SLC14A2: variants seen among roughly 807,000 people sequenced by gnomAD.
SLC14A2 encodes solute carrier family 14 member 2, also known as urea transporter 2.
SLC14A2 carries 91 observed loss-of-function variants against 104.6 expected under a neutral mutation model. The observed-to-expected ratio is 0.87, with a 90% CI of 0.73 to 1.04. The LOEUF (loss-of-function observed/expected upper bound fraction) is 1.04. Ranked by LOEUF, SLC14A2 falls within the 50% of genes least tolerant of loss-of-function variation. The probability of loss-of-function intolerance (pLI) is 0.00; values close to 1 mark genes in which losing one functional copy is unlikely to be tolerated. For missense variants in SLC14A2, 1,189 were observed against 1,156.0 expected (o/e 1.03, Z -0.41); for synonymous variants, 476 against 466.4 (o/e 1.02, Z -0.27).
At chr18:45,312,383 G>GAA (rs11314315) in intron 1 of SLC14A2, among the ~76,000 whole-genome samples, 1 of 145,600 alleles carries the variant, frequency 6.9e-6, no homozygotes, top group Non-Finnish European at 1.5e-5. Flanking sequence ...CTTCAGACTA[G>GAA]AAAAAAAAAA....
rs1436178833 is a variant in SLC14A2, at chr18:45,409,862, A to ATTT, written c.-124-73371_-124-73370insTTT. Among the ~76,000 whole-genome samples, 5 of 152,310 alleles carry ATTT rather than the reference A, an allele frequency of 3.3e-5. No individual in the cohort carries two copies. The East Asian group carries it at 9.7e-4, about 29-fold the overall frequency. The stretch of plus-strand genomic sequence containing the variant: ...TTGGAGGGTGGTTTTAGGATGATTC[A>ATTT]AGCACATTACATTTATTGTGTACTT... On this transcript the variant is annotated intron_variant, in intron 1 of 20. Coordinates refer to the SLC14A2 transcript ENST00000586448.
chr18:45,435,557 G>C (rs1219406055), intron 1 of SLC14A2, among the ~76,000 whole-genome samples: 1 of 152,036 alleles, frequency 6.6e-6, no homozygotes. Context: ...AGACAATTTT[G>C]GCAAGACTGC....
At chr18:45,206,198 C>T in the SLC14A2 span, among the ~76,000 whole-genome samples, 148,276 of 152,318 alleles carry the variant, frequency 0.97, 72,292 homozygotes, top group East Asian at 1. Flanking sequence ...GGCCTTTTCA[C>T]GTAGTGTTCC....
At chr18:45,659,102 T>C (rs1233464543) in intron 10 of SLC14A2, among the ~76,000 whole-genome samples, 1 of 152,084 alleles carries the variant, frequency 6.6e-6, no homozygotes, top group Non-Finnish European at 1.5e-5. Flanking sequence ...ACCAAGCAGG[T>C]ATGCCGAGGA....
At chr18:45,462,113 A>G (rs1045462996) in intron 1 of SLC14A2, among the ~76,000 whole-genome samples, 3 of 152,138 alleles carry the variant, frequency 2.0e-5, no homozygotes, top group Non-Finnish European at 2.9e-5. Flanking sequence ...AAACCAATCA[A>G]TGTTTCTGTT....
intron 12 of SLC14A2, 132 bp from the exon 13 acceptor site, chr18:45,666,802 AG>A (rs553403086): frequency 7.3e-4 from 509 of 701,836 alleles, no homozygotes; most frequent in Middle Eastern, 3.8e-3. Context: ...CTACAGAAAC[AG>A]GGAGGTTAAA....
the SLC14A2 span, among the ~76,000 whole-genome samples, chr18:45,204,278 T>C: frequency 6.6e-6 from 1 of 152,212 alleles, no homozygotes; most frequent in Non-Finnish European, 1.5e-5. Context: ...GCTCTATCTG[T>C]TCACATGGGA....
intron 1 of SLC14A2, among the ~76,000 whole-genome samples, chr18:45,235,373 G>C (rs1333369465): frequency 6.6e-6 from 1 of 151,994 alleles, no homozygotes; most frequent in African/African-American, 2.4e-5. Flanking sequence ...ATCAAACCAA[G>C]GTAATTAGAA....
rs368595206 is a variant in SLC14A2 at position 45,472,997 on chromosome 18, T to C, written c.-124-10236T>C. ...AATGCCTAGGTTTCTTTCTAGGGTT[T>C]CTGTGGTTTTAGGTCTTACATTTAA... On this transcript the variant is annotated intron_variant, in intron 1 of 20. Coordinates refer to the SLC14A2 transcript ENST00000586448. Among the ~76,000 whole-genome samples, 6 of 152,360 alleles carry C rather than the reference T, an allele frequency of 3.9e-5. No individual in the cohort carries two copies. The South Asian group carries it at 1.0e-3, about 26-fold the overall frequency.
chr18:45,571,409 A>G (rs980517407), intron 2 of SLC14A2, among the ~76,000 whole-genome samples: 1 of 152,224 alleles, frequency 6.6e-6, no homozygotes, highest in Non-Finnish European at 1.5e-5. Context: ...TCTTCCCTCC[A>G]AGATGCTATG....
intron 2 of SLC14A2, among the ~76,000 whole-genome samples, chr18:45,537,904 A>G (rs949952458): frequency 5.9e-5 from 9 of 152,216 alleles, no homozygotes; most frequent in African/African-American, 2.2e-4. Flanking sequence ...AGTTCAGCAG[A>G]GAGGTCTGGG....
At chr18:45,275,909 A>C (rs895000030) in intron 1 of SLC14A2, among the ~76,000 whole-genome samples, 8 of 152,266 alleles carry the variant, frequency 5.3e-5, no homozygotes, top group African/African-American at 1.7e-4. Flanking sequence ...AAGAAGAAAA[A>C]GCAGGTTAAA....
intron 1 of SLC14A2, among the ~76,000 whole-genome samples, chr18:45,224,677 G>A (rs2084096405): frequency 6.6e-6 from 1 of 152,176 alleles, no homozygotes; most frequent in Non-Finnish European, 1.5e-5. Flanking sequence ...GTATTTATAT[G>A]AGCATAGAAC....
chr18:45,635,213 C>G (rs1360747906), intron 5 of SLC14A2, among the ~76,000 whole-genome samples: 1 of 152,072 alleles, frequency 6.6e-6, no homozygotes, highest in East Asian at 1.9e-4. Context: ...ATTGGATGTA[C>G]AAATCTGAAA....
intron 1 of SLC14A2, among the ~76,000 whole-genome samples, chr18:45,455,063 G>A (rs2144622876): frequency 6.6e-6 from 1 of 152,186 alleles, no homozygotes; most frequent in South Asian, 2.1e-4. Flanking sequence ...AGCTTAATGG[G>A]GATAGAATTG....
intron 10 of SLC14A2, among the ~76,000 whole-genome samples, chr18:45,653,304 C>T (rs1225411423): frequency 1.3e-5 from 2 of 152,056 alleles, no homozygotes; most frequent in African/African-American, 4.8e-5. Context: ...ACAAGGCCCT[C>T]GTGATTAGGA....
chr18:45,174,026 A>G, the SLC14A2 span, among the ~76,000 whole-genome samples: 1 of 152,254 alleles, frequency 6.6e-6, no homozygotes, highest in East Asian at 1.9e-4. Context: ...AAACGGTATT[A>G]TGGAGTAAGC....
intron 1 of SLC14A2, among the ~76,000 whole-genome samples, chr18:45,364,869 A>T (rs1168763473): frequency 6.6e-6 from 1 of 152,246 alleles, no homozygotes; most frequent in Non-Finnish European, 1.5e-5. Flanking sequence ...TTTATTAAAA[A>T]GAAGTAACTC....
At chr18:45,550,663 A>G (rs147141268) in intron 2 of SLC14A2, among the ~76,000 whole-genome samples, 1 of 152,224 alleles carries the variant, frequency 6.6e-6, no homozygotes, top group Non-Finnish European at 1.5e-5. Flanking sequence ...TGTGCACTAT[A>G]CTGAATTCTG....
Sources: gnomAD v4.1 joint callset for allele counts (sites outside exome capture counted in the v4.1 genomes callset) on GRCh38, gnomAD v4.1.1 for gene constraint, MANE v1.5 for transcripts, NCBI Gene and HGNC (gene_info 2026-07-23, HGNC 2026-07-21) for gene names.